Variants in TBX20 observed in about 807,000 individuals in gnomAD.
TBX20 encodes T-box transcription factor 20, also known as T-box transcription factor TBX20.
Under a neutral mutation model 42.9 loss-of-function variants are expected in TBX20, and 8 were observed. The observed-to-expected ratio is 0.19, with a 90% confidence interval of 0.11 to 0.34. The LOEUF (loss-of-function observed/expected upper bound fraction) is 0.34, where lower values mean the gene tolerates loss of function less well. Among genes scored for constraint, TBX20 ranks in the 10% least tolerant of loss-of-function variants. The pLI is 1.00. For missense variants in TBX20, 411 were observed against 566.0 expected (o/e 0.73, Z 2.78); for synonymous variants, 198 against 222.8 (o/e 0.89, Z 0.99).
At chr7:35,215,765 G>A (rs1267713274) in intron 6 of TBX20, among the ~76,000 whole-genome samples, 2 of 151,952 alleles carry the variant, frequency 1.3e-5, no homozygotes, top group Non-Finnish European at 2.9e-5. Flanking sequence ...TGGTACACAC[G>A]TCAGAGACAC....
At chr7:35,211,833 T>A in intron 6 of TBX20, among the ~76,000 whole-genome samples, 1 of 152,172 alleles carries the variant, frequency 6.6e-6, no homozygotes, top group Non-Finnish European at 1.5e-5. Flanking sequence ...AATACGTCTA[T>A]CATTCTCTGG....
chr7:35,202,452 G>A lies in TBX20; in HGVS notation c.1322C>T (p.Ala441Val), dbSNP rs1190702373. The change falls in exon 8 of 8, where the codon GCT (alanine) becomes GTT (valine). Residue 441 changes from alanine (A) to valine (V), a missense_variant. Physicochemically the swap from Ala to Val is moderately conservative, Grantham distance 64. This residue lies in a region of TBX20 where 162 missense variants were observed against 205.4 expected (regional missense o/e 0.79). Coordinates refer to ENST00000408931, the MANE Select transcript of TBX20 (RefSeq NM_001077653.2). ...GAGTCATACAAATGGCGTCATCACA[G>A]CAGAGGAATGGCGTAGTCCTTGAAT... Reference protein sequence around the residue: ...AAIQGLRHSSAVMTPFV With the variant: ...AAIQGLRHSSVVMTPFV The A allele has an allele frequency of 6.5e-7, 1 of 1,546,652 alleles. No homozygotes were observed. The highest frequency in any genetic ancestry group is 1.1e-5 in the South Asian group (1 of 88,518).
At chr7:35,234,862 GA>G (rs1225722879) in intron 5 of TBX20, among the ~76,000 whole-genome samples, 3 of 152,098 alleles carry the variant, frequency 2.0e-5, no homozygotes, top group African/African-American at 7.2e-5. Flanking sequence ...ACACATTCCT[GA>G]ACAGCTTTTA....
At chr7:35,222,724 A>G (rs1789702920) in intron 6 of TBX20, among the ~76,000 whole-genome samples, 1 of 152,108 alleles carries the variant, frequency 6.6e-6, no homozygotes, top group South Asian at 2.1e-4. Flanking sequence ...CATGTTCAAG[A>G]AATGTAATCA....
At position 35,244,942 on chromosome 7, in the gene TBX20, T is replaced by A; in HGVS notation, c.654+7A>T. On this transcript the variant is annotated splice_region_variant and intron_variant, in intron 4 of 7. Transcript: ENST00000408931. ...GGAACCTGCACAGTCCAAGGCATGG[T>A]ACTTACATGGCCATGTTGATCCAGT... 1 of 1,603,322 alleles carries A rather than the reference T, an allele frequency of 6.2e-7. No homozygotes were observed. Among genetic ancestry groups the A allele is most frequent in the Non-Finnish European group, 8.5e-7 (1 of 1,170,182 alleles).
At chr7:35,228,170 G>A (rs1789808519) in intron 6 of TBX20, among the ~76,000 whole-genome samples, 1 of 151,866 alleles carries the variant, frequency 6.6e-6, no homozygotes, top group Non-Finnish European at 1.5e-5. Flanking sequence ...AAGAAGATGT[G>A]TAAAGATATG....
intron 6 of TBX20, among the ~76,000 whole-genome samples, chr7:35,230,651 C>T (rs1789852031): frequency 6.6e-6 from 1 of 152,052 alleles, no homozygotes; most frequent in Non-Finnish European, 1.5e-5. Flanking sequence ...GGAGATGTGG[C>T]TATATAGGTA....
chr7:35,248,595 C>A, intron 3 of TBX20, 82 bp downstream of exon 3: 1 of 1,504,016 alleles, frequency 6.6e-7, no homozygotes, highest in Non-Finnish European at 9.2e-7. Context: ...TAAAAATACA[C>A]TTGCTTAAAA....
At chr7:35,246,391 T>C (rs1192493719) in intron 3 of TBX20, among the ~76,000 whole-genome samples, 1 of 152,134 alleles carries the variant, frequency 6.6e-6, no homozygotes, top group Non-Finnish European at 1.5e-5. Context: ...TAGGTGCAAT[T>C]GTTTTACTGA....
At chr7:35,238,829 A>G in intron 5 of TBX20, among the ~76,000 whole-genome samples, 1 of 151,506 alleles carries the variant, frequency 6.6e-6, no homozygotes, top group Non-Finnish European at 1.5e-5. Flanking sequence ...CCTTTACTGT[A>G]AGATGATCGG....
At chr7:35,239,941 G>A (rs989840132) in intron 5 of TBX20, among the ~76,000 whole-genome samples, 1 of 151,660 alleles carries the variant, frequency 6.6e-6, no homozygotes, top group African/African-American at 2.4e-5. Flanking sequence ...TAGTAGAGAC[G>A]GTTTCACCAT....
chr7:35,242,582 G>A (rs1381158405), intron 4 of TBX20, among the ~76,000 whole-genome samples: 2 of 152,118 alleles, frequency 1.3e-5, no homozygotes, highest in East Asian at 1.9e-4. Context: ...CCACCCATAC[G>A]TACACATACC....
At chr7:35,210,137 C>T (rs893953192) in intron 6 of TBX20, among the ~76,000 whole-genome samples, 26 of 136,234 alleles carry the variant, frequency 1.9e-4, no homozygotes, top group South Asian at 6.9e-4. Flanking sequence ...TTTTTTGAGA[C>T]GGAGTCTCAC....
At chr7:35,220,782 T>C (rs1209396610) in intron 6 of TBX20, among the ~76,000 whole-genome samples, 3 of 152,246 alleles carry the variant, frequency 2.0e-5, no homozygotes, top group African/African-American at 4.8e-5. Flanking sequence ...AATGACTTCT[T>C]CTGAAGCAGA....
chr7:35,208,877 A>G (rs553910430), intron 6 of TBX20, among the ~76,000 whole-genome samples: 112 of 150,428 alleles, frequency 7.4e-4, no homozygotes, highest in African/African-American at 2.6e-3. Flanking sequence ...TGTACATACA[A>G]TTTACTAGAC....
rs766060288 is a variant in TBX20, at chr7:35,208,742, CAAAAAAAAAAAAAAAAAAAAAA to C, written c.891-4182_891-4161del. On this transcript the variant is annotated intron_variant, in intron 6 of 7. Transcript: ENST00000408931. ...GGGCAACAAGAGCGAAACTCCGTCT[CAAAAAAAAAAAAAAAAAAAAAA>C]AAAAAAAAAAAAAAAAAAGAACAGA... 1.1e-3 allele frequency among the ~76,000 whole-genome samples: 23 copies of C among 21,130 alleles called. 1 individual carries two copies. The highest frequency in any genetic ancestry group is 6.8e-3 in the East Asian group (3 of 438). The allele number at this position is 21,130 out of a possible 152,430, so 13.9% of individuals were successfully genotyped here.
rs540006024 is a variant in TBX20, at chr7:35,249,917, CACCCCCA to C, written c.380+27_380+33del. The C allele has an allele frequency of 9.3e-5, 147 of 1,579,724 alleles. No homozygotes were observed. Among genetic ancestry groups the C allele is most frequent in the East Asian group, 3.1e-4 (14 of 44,610 alleles). ...CTACCCAGGGAGTGTCCTGACTCTCCACCCCCAACCCCCAACCCCCAAGTCCCAACTA... is the reference window on the plus strand; with the variant it reads ...CTACCCAGGGAGTGTCCTGACTCTCCACCCCCAACCCCCAAGTCCCAACTA... On this transcript the variant is annotated intron_variant, in intron 2 of 7. Coordinates refer to ENST00000408931, the MANE Select transcript of TBX20 (RefSeq NM_001077653.2). This position sits in a 1 kb window ranked among gnomAD's most constrained non-coding sequence, Gnocchi z 4.3.
intron 6 of TBX20, among the ~76,000 whole-genome samples, chr7:35,213,838 T>C (rs1789536468): frequency 1.6e-5 from 2 of 128,428 alleles, no homozygotes; most frequent in African/African-American, 6.1e-5. Flanking sequence ...GACAAAGAAG[T>C]ATTGAGTCAC....
chr7:35,245,663 T>C (rs1790169443), intron 3 of TBX20, among the ~76,000 whole-genome samples: 1 of 152,214 alleles, frequency 6.6e-6, no homozygotes, highest in Non-Finnish European at 1.5e-5. Context: ...CATTAAACAC[T>C]ACTGCTTTCA....
Sources: allele counts gnomAD v4.1 joint callset (sites outside exome capture counted in the v4.1 genomes callset), GRCh38; gene constraint gnomAD v4.1.1; regional missense constraint gnomAD v4.1.1; non-coding constraint Gnocchi (gnomAD v3.1); transcripts MANE v1.5; gene names NCBI Gene and HGNC (gene_info 2026-07-23, HGNC 2026-07-21).